The following SOX30 variants were observed in gnomAD, a reference collection of about 807,000 sequenced individuals.
SOX30 encodes the protein transcription factor SOX-30.
A neutral mutation model predicts 58.6 loss-of-function variants in SOX30; 17 were observed. The ratio of observed to expected loss-of-function variants is 0.29; its 90% CI spans 0.20 to 0.44. The LOEUF (loss-of-function observed/expected upper bound fraction) is 0.44, where lower values mean the gene tolerates loss of function less well. SOX30 is among the 20% of genes least tolerant of loss of function. SOX30 has a pLI of 1.00. For missense variants in SOX30, 951 were observed against 965.8 expected, an observed-to-expected ratio of 0.98 and a Z score of 0.20; for synonymous variants, 421 against 400.2, an observed-to-expected ratio of 1.05 and a Z score of -0.62.
At chr5:157,643,794 C>A (rs941102790) in intron 3 of SOX30, among the ~76,000 whole-genome samples, 1 of 152,046 alleles carries the variant, frequency 6.6e-6, no homozygotes, top group African/African-American at 2.4e-5. Context: ...TATGAAATTA[C>A]TTGAAACAAC....
At chr5:157,647,351 C>T (rs768860828) in intron 2 of SOX30, among the ~76,000 whole-genome samples, 1 of 152,082 alleles carries the variant, frequency 6.6e-6, no homozygotes, top group South Asian at 2.1e-4. Context: ...AGAGCCACTG[C>T]GCCTGGCCAA....
intron 2 of SOX30, among the ~76,000 whole-genome samples, chr5:157,667,270 T>C (rs994401462): frequency 2.0e-5 from 3 of 152,244 alleles, no homozygotes; most frequent in Non-Finnish European, 4.4e-5. Flanking sequence ...TCATTGTGCC[T>C]GAAGTTCTAT....
rs1377034590 is a variant in SOX30, at chr5:157,627,541, T to G, written c.1881-820A>C. On this transcript the variant is annotated intron_variant, in intron 4 of 4. Transcript: ENST00000265007. Reference sequence around the variant, plus strand: ...GCACTGGAACAGAAGACAAGTTAAATTTTTTCATTGACATTCAATAATAAA... The same window carrying G: ...GCACTGGAACAGAAGACAAGTTAAAGTTTTTCATTGACATTCAATAATAAA... Among the ~76,000 whole-genome samples, 3 of 152,226 alleles carry G rather than the reference T, an allele frequency of 2.0e-5. No individual in the cohort carries two copies. In the East Asian group the frequency reaches 5.8e-4, roughly 29 times the overall value.
At chr5:157,657,328 T>C (rs1201376846), upstream of SOX30, among the ~76,000 whole-genome samples, 1 of 152,218 alleles carries the variant, frequency 6.6e-6, no homozygotes, top group Non-Finnish European at 1.5e-5. Flanking sequence ...GCAAATTTCC[T>C]TATCAATTGA....
intron 1 of SOX30, among the ~76,000 whole-genome samples, chr5:157,649,734 G>A (rs932330989): frequency 2.7e-4 from 41 of 152,250 alleles, no homozygotes; most frequent in African/African-American, 9.1e-4. Context: ...AGGTTGCAGC[G>A]AGCTGAGATC....
Position 157,652,179 on chromosome 5 carries a change from C to G in SOX30, c.-101G>C. 2.9e-6 allele frequency: 4 copies of G among 1,363,022 alleles called. No individual in the cohort carries two copies. In the South Asian group the frequency reaches 5.7e-5, roughly 20 times the overall value. The allele number at this position is 1,363,022 out of a possible 1,614,324, so 84.4% of individuals were successfully genotyped here. ...AAGAGCCTTGCAAGGCCTTTGCTAC[C>G]CAGAACCCTACGCGGTTCAAAACGC... On this transcript the variant is annotated 5_prime_UTR_variant, in exon 1 of 5. Transcript: ENST00000265007.
chr5:157,662,931 G>C (rs993522329), intron 2 of SOX30, among the ~76,000 whole-genome samples: 1 of 152,098 alleles, frequency 6.6e-6, no homozygotes, highest in African/African-American at 2.4e-5. Context: ...TCCCTGAATA[G>C]ACCAATAACA....
intron 3 of SOX30, among the ~76,000 whole-genome samples, chr5:157,641,653 C>G (rs1759064781): frequency 6.6e-6 from 1 of 152,048 alleles, no homozygotes; most frequent in Non-Finnish European, 1.5e-5. Context: ...TAGATTCTAT[C>G]AAAGAAATAG....
chr5:157,663,464 G>A (rs1464751492), intron 2 of SOX30, among the ~76,000 whole-genome samples: 1 of 151,928 alleles, frequency 6.6e-6, no homozygotes, highest in Non-Finnish European at 1.5e-5. Context: ...AAAATAGTAA[G>A]AGCTATTTAT....
At chr5:157,642,903 G>A (rs537076060) in intron 3 of SOX30, among the ~76,000 whole-genome samples, 2 of 152,142 alleles carry the variant, frequency 1.3e-5, no homozygotes, top group African/African-American at 2.4e-5. Flanking sequence ...AGAACAGAGA[G>A]ACTCAATAAA....
At chr5:157,667,921 C>A in intron 1 of SOX30, 1 of 1,468,220 alleles carries the variant, frequency 6.8e-7, no homozygotes, top group South Asian at 1.3e-5. Flanking sequence ...TATATCTTAC[C>A]TCATTCATTC....
At chr5:157,659,541 C>G (rs932875457) in intron 2 of SOX30, among the ~76,000 whole-genome samples, 6 of 152,214 alleles carry the variant, frequency 3.9e-5, no homozygotes, top group African/African-American at 1.4e-4. Context: ...TTTCTGAACT[C>G]TCTGTTCTGT....
At position 157,652,242 on chromosome 5, in the gene SOX30, A is replaced by C. The variant is rs1759375701; in HGVS notation, c.-164T>G. 1.6e-6 allele frequency: 2 copies of C among 1,267,652 alleles called. No homozygotes were observed. Among genetic ancestry groups the C allele is most frequent in the African/African-American group, 1.5e-5 (1 of 64,536 alleles). 78.5% of individuals were successfully genotyped at this position (1,267,652 alleles called of 1,614,324 possible). Reference sequence around the variant, plus strand: ...GGGCCTCACCCAATCACAACGACCGATACCCGTGGACGGCCAATCACAGGC... The same window carrying C: ...GGGCCTCACCCAATCACAACGACCGCTACCCGTGGACGGCCAATCACAGGC... On this transcript the variant is annotated 5_prime_UTR_variant, in exon 1 of 5. Coordinates refer to ENST00000265007, the MANE Select transcript of SOX30 (RefSeq NM_178424.2).
At chr5:157,637,047 C>T (rs1015312091) in intron 4 of SOX30, among the ~76,000 whole-genome samples, 3 of 149,500 alleles carry the variant, frequency 2.0e-5, no homozygotes, top group African/African-American at 7.4e-5. Context: ...GCAGGAGAAT[C>T]GCTTGAACCC....
At chr5:157,641,091 T>C (rs1759050064) in intron 3 of SOX30, among the ~76,000 whole-genome samples, 1 of 152,104 alleles carries the variant, frequency 6.6e-6, no homozygotes, top group Non-Finnish European at 1.5e-5. Flanking sequence ...ATAAGCACTT[T>C]CAGAAACTAG....
At chr5:157,630,077 T>C (rs1307268780) in intron 4 of SOX30, among the ~76,000 whole-genome samples, 1 of 152,226 alleles carries the variant, frequency 6.6e-6, no homozygotes, top group Non-Finnish European at 1.5e-5. Flanking sequence ...ACTATTTCAA[T>C]GTATGATTGG....
chr5:157,654,923 C>T (rs1180425591), upstream of SOX30, among the ~76,000 whole-genome samples: 1 of 152,230 alleles, frequency 6.6e-6, no homozygotes, highest in African/African-American at 2.4e-5. Flanking sequence ...AAATGGGCAA[C>T]CAGCAGCCCT....
chr5:157,643,228 C>A (rs11739924), intron 3 of SOX30, among the ~76,000 whole-genome samples: 25,307 of 151,912 alleles, frequency 0.17, 2,440 homozygotes, highest in African/African-American at 0.27. Context: ...GTTTGAAAAA[C>A]CAGCCTGGCT....
chr5:157,641,154 C>T (rs1427680683), intron 3 of SOX30, among the ~76,000 whole-genome samples: 1 of 151,792 alleles, frequency 6.6e-6, no homozygotes, highest in East Asian at 1.9e-4. Flanking sequence ...TTTGGAAGGC[C>T]AAGATGGGAG....
Sources: gnomAD v4.1 joint callset for allele counts (sites outside exome capture counted in the v4.1 genomes callset) on GRCh38, gnomAD v4.1.1 for gene constraint, MANE v1.5 for transcripts, NCBI Gene and HGNC (gene_info 2026-07-23, HGNC 2026-07-21) for gene names.